Variants in VOPP1 observed in about 807,000 individuals in gnomAD.
VOPP1 encodes WW domain binding protein VOPP1.
In VOPP1, 8 loss-of-function variants were observed where a neutral mutation model predicts 23.5. That is an observed-to-expected ratio of 0.34 (90% confidence interval 0.20 to 0.61). The LOEUF (loss-of-function observed/expected upper bound fraction) is 0.61, where lower values mean the gene tolerates loss of function less well. Ranked by LOEUF, VOPP1 falls within the 20% of genes least tolerant of loss-of-function variation. The probability of loss-of-function intolerance (pLI) is 0.78; values close to 1 mark genes in which losing one functional copy is unlikely to be tolerated. For synonymous variants in VOPP1, 83 were observed against 97.3 expected (o/e 0.85, Z 0.86); for missense variants, 174 against 238.1 (o/e 0.73, Z 1.77).
intron 1 of VOPP1, among the ~76,000 whole-genome samples, chr7:55,566,146 T>C (rs991069898): frequency 3.9e-5 from 6 of 152,170 alleles, no homozygotes; most frequent in African/African-American, 1.2e-4. Flanking sequence ...AGGAGAATGA[T>C]ATGAATAAAA....
intron 4 of VOPP1, among the ~76,000 whole-genome samples, chr7:55,474,264 G>A (rs1369167329): frequency 6.6e-6 from 1 of 152,260 alleles, no homozygotes; most frequent in Non-Finnish European, 1.5e-5. Context: ...TGCCTTGGGT[G>A]TGTTCTATTT....
At chr7:55,562,131 A>C in intron 1 of VOPP1, 2 of 699,238 alleles carry the variant, frequency 2.9e-6, no homozygotes, top group Non-Finnish European at 5.2e-6. Flanking sequence ...TGTACAGCCA[A>C]CGCTGAGAAT....
chr7:55,564,714 T>C (rs1464355431), intron 1 of VOPP1, among the ~76,000 whole-genome samples: 5 of 152,148 alleles, frequency 3.3e-5, no homozygotes, highest in African/African-American at 1.2e-4. Context: ...CACAGGAAAC[T>C]TGCTTGGGAA....
chr7:55,566,743 G>A (rs1798175766), intron 1 of VOPP1, among the ~76,000 whole-genome samples: 1 of 152,230 alleles, frequency 6.6e-6, no homozygotes, highest in Non-Finnish European at 1.5e-5. Flanking sequence ...CCTTTTTCTA[G>A]GACCAATTAT....
chr7:55,521,610 C>T (rs571152929), intron 1 of VOPP1: 1 of 987,722 alleles, frequency 1.0e-6, no homozygotes, highest in East Asian at 1.1e-4. Context: ...TCACGGTTCA[C>T]TCGTTGCCCT....
chr7:55,474,670 A>G (rs1792098356), intron 4 of VOPP1, among the ~76,000 whole-genome samples: 1 of 152,252 alleles, frequency 6.6e-6, no homozygotes, highest in Admixed American at 6.5e-5. Flanking sequence ...GCACCAGGAC[A>G]AGGGCGGGGC....
intron 1 of VOPP1, among the ~76,000 whole-genome samples, chr7:55,567,618 C>A (rs924426969): frequency 2.6e-5 from 4 of 152,208 alleles, no homozygotes; most frequent in African/African-American, 9.6e-5. Flanking sequence ...AGGAAAGCCC[C>A]AGGTCTGGGC....
At chr7:55,491,007 C>T (rs1033061296) in intron 4 of VOPP1, among the ~76,000 whole-genome samples, 1 of 152,138 alleles carries the variant, frequency 6.6e-6, no homozygotes, top group Non-Finnish European at 1.5e-5. Flanking sequence ...AGATAATTTT[C>T]TCCTATTACA....
chr7:55,536,066 A>G (rs549866408), intron 1 of VOPP1, among the ~76,000 whole-genome samples: 1 of 152,260 alleles, frequency 6.6e-6, no homozygotes, highest in Admixed American at 6.5e-5. Flanking sequence ...TGCCTCGGCC[A>G]CCCTGTTGGC....
intron 3 of VOPP1, among the ~76,000 whole-genome samples, chr7:55,493,795 T>A (rs1360100992): frequency 6.6e-6 from 1 of 152,062 alleles, no homozygotes; most frequent in Non-Finnish European, 1.5e-5. Flanking sequence ...AAAAGAAAAA[T>A]GAGCGATGCA....
At chr7:55,445,047 T>C (rs766534226) in intron 4 of VOPP1, among the ~76,000 whole-genome samples, 1 of 152,210 alleles carries the variant, frequency 6.6e-6, no homozygotes, top group Non-Finnish European at 1.5e-5. Context: ...TGCCTGGAAA[T>C]TTCCTGATAA....
chr7:55,503,576 G>C (rs1327786216), intron 2 of VOPP1, among the ~76,000 whole-genome samples: 1 of 152,238 alleles, frequency 6.6e-6, no homozygotes, highest in Non-Finnish European at 1.5e-5. Context: ...TGGATGGAAA[G>C]TGTCTCCCCT....
chr7:55,459,668 T>C (rs1791450102), intron 4 of VOPP1, among the ~76,000 whole-genome samples: 1 of 152,180 alleles, frequency 6.6e-6, no homozygotes, highest in African/African-American at 2.4e-5. Context: ...TAGTTGTTCA[T>C]AGTAATCTCT....
chr7:55,454,196 T>C (rs1457376858), intron 4 of VOPP1, among the ~76,000 whole-genome samples: 1 of 152,184 alleles, frequency 6.6e-6, no homozygotes, highest in Non-Finnish European at 1.5e-5. Context: ...AAAAATTTTC[T>C]CTTCTAAATG....
At chr7:55,437,730 A>T (rs542651781) in intron 4 of VOPP1, among the ~76,000 whole-genome samples, 1 of 152,216 alleles carries the variant, frequency 6.6e-6, no homozygotes, top group Non-Finnish European at 1.5e-5. Context: ...TCTTAATATA[A>T]TCCCTGATTT....
intron 4 of VOPP1, among the ~76,000 whole-genome samples, chr7:55,446,599 C>T (rs1470702837): frequency 6.6e-6 from 1 of 152,208 alleles, no homozygotes; most frequent in Admixed American, 6.5e-5. Context: ...AGGTTCAAAA[C>T]TTGCCCAGGG....
chr7:55,564,794 C>A (rs1266258167), intron 1 of VOPP1, among the ~76,000 whole-genome samples: 1 of 152,116 alleles, frequency 6.6e-6, no homozygotes, highest in Non-Finnish European at 1.5e-5. Context: ...GGGAATCTTC[C>A]AAAGGGCCTC....
chr7:55,569,210 G>A (rs748010140), intron 1 of VOPP1, among the ~76,000 whole-genome samples: 1 of 152,140 alleles, frequency 6.6e-6, no homozygotes. Context: ...AGCTGCTGCC[G>A]GTTCCTCCCT....
chr7:55,440,899 G>A (rs906580543), intron 4 of VOPP1, among the ~76,000 whole-genome samples: 5 of 152,156 alleles, frequency 3.3e-5, no homozygotes, highest in African/African-American at 1.2e-4. Flanking sequence ...GAACATCCAC[G>A]CCCCTCACTC....
Sources: allele counts gnomAD v4.1 joint callset (sites outside exome capture counted in the v4.1 genomes callset), GRCh38; gene constraint gnomAD v4.1.1; transcripts MANE v1.5; gene names NCBI Gene and HGNC (gene_info 2026-07-23, HGNC 2026-07-21).